The following STAT3 variants were observed in gnomAD, a reference collection of about 807,000 sequenced individuals.
STAT3 encodes the protein signal transducer and activator of transcription 3.
In STAT3, 7 loss-of-function variants were observed where a neutral mutation model predicts 114.3. The observed-to-expected ratio is 0.06, with a 90% CI of 0.03 to 0.11. STAT3 has a LOEUF of 0.11. Ranked by LOEUF, STAT3 falls within the 10% of genes least tolerant of loss-of-function variation. The probability of loss-of-function intolerance (pLI) is 1.00; values close to 1 mark genes in which losing one functional copy is unlikely to be tolerated. For missense variants in STAT3, 364 were observed against 960.9 expected (o/e 0.38, Z 8.21); for synonymous variants, 331 against 354.5 (o/e 0.93, Z 0.74).
At chr17:42,342,492 A>AC (rs1266583031) in intron 4 of STAT3, among the ~76,000 whole-genome samples, 2 of 151,418 alleles carry the variant, frequency 1.3e-5, no homozygotes, top group African/African-American at 2.4e-5. Flanking sequence ...CAAAAGAAAA[A>AC]AAAAAAATTC....
intron 1 of STAT3, among the ~76,000 whole-genome samples, chr17:42,375,389 A>C (rs1442384114): frequency 6.6e-6 from 1 of 152,186 alleles, no homozygotes; most frequent in Non-Finnish European, 1.5e-5. Flanking sequence ...GATAAACTAC[A>C]TCAGACCCTC....
intron 4 of STAT3, 171 bp downstream of exon 4, chr17:42,345,387 TG>T (rs1203296629): frequency 6.3e-6 from 4 of 630,086 alleles, no homozygotes; most frequent in African/African-American, 5.5e-5. Context: ...CAATGTATTT[TG>T]GGGGGTGGAA....
At chr17:42,384,127 TA>T (rs1279538122) in intron 1 of STAT3, among the ~76,000 whole-genome samples, 1,228 of 76,088 alleles carry the variant, frequency 0.016, 10 homozygotes, top group South Asian at 0.069. Flanking sequence ...TTTATTTATT[TA>T]TTTATTTTTT....
chr17:42,358,205 C>G (rs1216173188), intron 1 of STAT3, among the ~76,000 whole-genome samples: 3 of 152,030 alleles, frequency 2.0e-5, no homozygotes. Flanking sequence ...TGCTTGAGCT[C>G]AGGAGTTCAA....
chr17:42,351,655 T>C (rs1052469656), intron 1 of STAT3, among the ~76,000 whole-genome samples: 2 of 152,208 alleles, frequency 1.3e-5, no homozygotes, highest in African/African-American at 4.8e-5. Context: ...AGGGCTTAAA[T>C]TCCACTGGTG....
Position 42,314,332 on chromosome 17 carries a change from C to T in STAT3, c.*1413G>A. On this transcript the variant is annotated 3_prime_UTR_variant, in exon 24 of 24. Coordinates refer to ENST00000264657, the MANE Select transcript of STAT3 (RefSeq NM_139276.3). ...GCTCAACCAGACACGTCGCTGGGGC[C>T]CCATAGTGTGCATCATGTCCAACCT... 4.3e-6 allele frequency: 1 copy of T among 233,420 alleles called. No individual in the cohort carries two copies. Among genetic ancestry groups the T allele is most frequent in the Non-Finnish European group, 8.5e-6 (1 of 117,888 alleles). The allele number at this position is 233,420 out of a possible 1,614,324, so 14.5% of individuals were successfully genotyped here.
At chr17:42,328,007 C>G (rs946525596) in intron 14 of STAT3, among the ~76,000 whole-genome samples, 9 of 150,742 alleles carry the variant, frequency 6.0e-5, no homozygotes, top group Non-Finnish European at 1.2e-4. Flanking sequence ...GATCGCACCA[C>G]TGCAATCCGA....
intron 14 of STAT3, among the ~76,000 whole-genome samples, 161 bp downstream of exon 14, chr17:42,329,249 G>A (rs1250310249): frequency 6.6e-6 from 1 of 152,194 alleles, no homozygotes; most frequent in Non-Finnish European, 1.5e-5. Context: ...ATGGCACATG[G>A]AACTTCTGTT....
intron 1 of STAT3, among the ~76,000 whole-genome samples, chr17:42,386,120 A>ATAGT (rs2085090181): frequency 6.6e-6 from 1 of 152,048 alleles, no homozygotes; most frequent in Non-Finnish European, 1.5e-5. Context: ...GTCTCTACTA[A>ATAGT]AAATACAAAA....
At position 42,333,842 on chromosome 17, in the gene STAT3, T is replaced by C. The variant is rs1435583158; in HGVS notation, c.956+49A>G. On this transcript the variant is annotated intron_variant, in intron 9 of 23. Coordinates refer to ENST00000264657, the MANE Select transcript of STAT3 (RefSeq NM_139276.3). This position sits in a 1 kb window ranked among gnomAD's most constrained non-coding sequence, Gnocchi z 5.2. ...CCCGCCTCTCACTCTACCACGTGAG[T>C]CTTTAGGTATTTTTTAGATGAGGGA... The C allele has an allele frequency of 1.2e-6, 2 of 1,613,974 alleles. No individual in the cohort carries two copies. Among genetic ancestry groups the C allele is most frequent in the South Asian group, 2.2e-5 (2 of 91,070 alleles).
At chr17:42,357,352 T>A (rs2083277432) in intron 1 of STAT3, among the ~76,000 whole-genome samples, 1 of 152,140 alleles carries the variant, frequency 6.6e-6, no homozygotes, top group Non-Finnish European at 1.5e-5. Context: ...CACCACAGGA[T>A]AAACAGCATA....
At chr17:42,370,867 C>A (rs1321329916) in intron 1 of STAT3, among the ~76,000 whole-genome samples, 1 of 151,996 alleles carries the variant, frequency 6.6e-6, no homozygotes, top group Admixed American at 6.6e-5. Flanking sequence ...CCTTGGCCTC[C>A]CAAAGTTCTG....
intron 15 of STAT3, 44 bp from the exon 16 acceptor site, chr17:42,325,105 T>C: frequency 1.3e-6 from 2 of 1,576,344 alleles, no homozygotes; most frequent in Non-Finnish European, 1.7e-6. Context: ...AGAGGGGCTC[T>C]CACAGCCTTG....
Position 42,337,891 on chromosome 17 carries a change from GAATACTCCTT to G in STAT3, c.551-44_551-35del. 1 of 1,517,192 alleles carries G rather than the reference GAATACTCCTT, an allele frequency of 6.6e-7. No homozygotes were observed. The highest frequency in any genetic ancestry group is 1.1e-5 in the South Asian group (1 of 87,138). The allele number at this position is 1,517,192 out of a possible 1,614,324, so 94.0% of individuals were successfully genotyped here. Reference sequence around the variant, plus strand: ...GAAGAAAAAACTCCTTGACCTGAGGGAATACTCCTTGACCTGAGGGAATACTCCTTGACCT... The same window carrying G: ...GAAGAAAAAACTCCTTGACCTGAGGGGACCTGAGGGAATACTCCTTGACCT... On this transcript the variant is annotated intron_variant, in intron 6 of 23. Transcript: ENST00000264657. The surrounding 1 kb of genome is among the most constrained non-coding windows in gnomAD (Gnocchi z 4.0).
Position 42,315,341 on chromosome 17 carries a change from T to C in STAT3, c.*404A>G, listed in dbSNP as rs1174712087. 1.2e-5 allele frequency: 5 copies of C among 411,280 alleles called. No homozygotes were observed. Among genetic ancestry groups the C allele is most frequent in the Non-Finnish European group, 2.2e-5 (5 of 222,794 alleles). 25.5% of individuals were successfully genotyped at this position (411,280 alleles called of 1,614,324 possible). ...CTATAGGTGGCCTGTGGCATTTGCT[T>C]ACAGAAACAGGCAGAAGGATGCCGC... is the stretch of plus-strand genomic sequence containing the variant. On this transcript the variant is annotated 3_prime_UTR_variant, in exon 24 of 24. Coordinates refer to ENST00000264657, the MANE Select transcript of STAT3 (RefSeq NM_139276.3).
chr17:42,338,852 A>C, intron 5 of STAT3, 40 bp from the exon 6 acceptor site: 1 of 1,539,448 alleles, frequency 6.5e-7, no homozygotes, highest in East Asian at 2.2e-5. Flanking sequence ...AAGTAAAGAA[A>C]GATTTCCTTG....
chr17:42,320,170 G>A (rs1005824794), intron 21 of STAT3, among the ~76,000 whole-genome samples: 1 of 152,192 alleles, frequency 6.6e-6, no homozygotes, highest in African/African-American at 2.4e-5. Flanking sequence ...CATGCAAAGG[G>A]AGATAGGTGG....
At chr17:42,347,941 G>C (rs1014577587) in intron 2 of STAT3, among the ~76,000 whole-genome samples, 34 of 152,172 alleles carry the variant, frequency 2.2e-4, no homozygotes, top group African/African-American at 8.2e-4. Context: ...AAATTACCCA[G>C]TCTCAGGTAT....
intron 1 of STAT3, chr17:42,373,978 G>A (rs1179034314): frequency 6.6e-6 from 1 of 152,040 alleles, no homozygotes; most frequent in Non-Finnish European, 1.5e-5. Context: ...CAAGATGGAA[G>A]ATGAGTGATC....
Sources: gnomAD v4.1 joint callset for allele counts (sites outside exome capture counted in the v4.1 genomes callset) on GRCh38, gnomAD v4.1.1 for gene constraint, Gnocchi (gnomAD v3.1) non-coding constraint, MANE v1.5 for transcripts, NCBI Gene and HGNC (gene_info 2026-07-23, HGNC 2026-07-21) for gene names.